The following GRID2 variants were observed in gnomAD, a reference collection of about 807,000 sequenced individuals.
GRID2 encodes the protein glutamate receptor ionotropic, delta-2.
GRID2 carries 33 observed loss-of-function variants against 114.8 expected under a neutral mutation model. The ratio of observed to expected loss-of-function variants is 0.29; its 90% CI spans 0.22 to 0.38. The LOEUF (loss-of-function observed/expected upper bound fraction) is 0.38, where lower values mean the gene tolerates loss of function less well. Ranked by LOEUF, GRID2 falls within the 10% of genes least tolerant of loss-of-function variation. The pLI, the probability that GRID2 is intolerant of heterozygous loss-of-function variation, is 1.00. For missense variants in GRID2, 1,184 were observed against 1,257.7 expected (o/e 0.94, Z 0.89); for synonymous variants, 505 against 449.9 (o/e 1.12, Z -1.55).
chr4:92,495,601 C>T (rs7684294), intron 1 of GRID2, among the ~76,000 whole-genome samples: 11,805 of 151,698 alleles, frequency 0.078, 501 homozygotes, highest in African/African-American at 0.11. Context: ...GAATGAGATC[C>T]GGGTACATAA....
At chr4:93,479,210 C>A (rs1037479727) in intron 11 of GRID2, among the ~76,000 whole-genome samples, 9 of 151,960 alleles carry the variant, frequency 5.9e-5, no homozygotes, top group African/African-American at 2.2e-4. Flanking sequence ...TTTAAAAATA[C>A]TTTATTGCTA....
At chr4:93,595,093 T>C (rs1393012284) in intron 13 of GRID2, among the ~76,000 whole-genome samples, 4 of 152,174 alleles carry the variant, frequency 2.6e-5, no homozygotes, top group African/African-American at 9.7e-5. Flanking sequence ...CTCCCCTGCT[T>C]TTTAAGACAT....
intron 2 of GRID2, among the ~76,000 whole-genome samples, chr4:93,029,888 T>C (rs1361695570): frequency 6.6e-6 from 1 of 152,186 alleles, no homozygotes; most frequent in African/African-American, 2.4e-5. Flanking sequence ...AAAATAAACA[T>C]GCTTTATTCA....
At chr4:92,506,937 C>T (rs1030606144) in intron 1 of GRID2, among the ~76,000 whole-genome samples, 2 of 151,868 alleles carry the variant, frequency 1.3e-5, no homozygotes, top group African/African-American at 4.8e-5. Context: ...CTCTATTTCT[C>T]TGTCAGCCTC....
chr4:93,343,425 C>T (rs1759864451), intron 8 of GRID2, among the ~76,000 whole-genome samples: 3 of 151,944 alleles, frequency 2.0e-5, no homozygotes, highest in Admixed American at 2.0e-4. Context: ...TGTTTTTCAA[C>T]TTGTTTTCCA....
intron 1 of GRID2, among the ~76,000 whole-genome samples, chr4:92,488,914 T>C (rs1723022331): frequency 6.6e-6 from 1 of 152,172 alleles, no homozygotes; most frequent in South Asian, 2.1e-4. Flanking sequence ...TCTGTGCTTG[T>C]CTGAAACTGC....
intron 2 of GRID2, among the ~76,000 whole-genome samples, chr4:92,996,093 C>A (rs1223591323): frequency 2.0e-5 from 3 of 151,902 alleles, no homozygotes; most frequent in Non-Finnish European, 2.9e-5. Flanking sequence ...AGTTTGAAAT[C>A]AGCCTGGCCA....
intron 1 of GRID2, among the ~76,000 whole-genome samples, chr4:92,516,346 T>C (rs1488722161): frequency 6.6e-6 from 1 of 151,918 alleles, no homozygotes; most frequent in Admixed American, 6.6e-5. Context: ...GGCAATCAAA[T>C]ACTTAAAATA....
At chr4:92,909,485 C>A (rs894184501) in intron 2 of GRID2, among the ~76,000 whole-genome samples, 13 of 151,906 alleles carry the variant, frequency 8.6e-5, no homozygotes, top group African/African-American at 3.1e-4. Flanking sequence ...AGTAGCAAAA[C>A]CTCTGATTAT....
chr4:92,327,496 ATCTT>A (rs1040128607), intron 1 of GRID2, among the ~76,000 whole-genome samples: 1 of 151,894 alleles, frequency 6.6e-6, no homozygotes, highest in African/African-American at 2.4e-5. Context: ...TCTATGTTTT[ATCTT>A]TCTTTCTAAC....
rs368823655 is a variant in GRID2 at position 93,055,831 on chromosome 4, G to A, written c.245-29164G>A. 1.1e-4 allele frequency among the ~76,000 whole-genome samples: 16 copies of A among 151,936 alleles called. 1 individual carries two copies. The highest frequency in any genetic ancestry group is 3.1e-4 in the African/African-American group (13 of 41,498). The stretch of plus-strand genomic sequence containing the variant: ...CTTACAAATACAAGAATATGTATCC[G>A]CTGAAATTTCTTGCTACTATTTAGC... On this transcript the variant is annotated intron_variant, in intron 2 of 15. Coordinates refer to ENST00000282020, the MANE Select transcript of GRID2 (RefSeq NM_001510.4).
intron 2 of GRID2, among the ~76,000 whole-genome samples, chr4:92,939,416 G>GTT (rs1162283091): frequency 2.7e-5 from 4 of 146,772 alleles, no homozygotes; most frequent in East Asian, 2.2e-4. Flanking sequence ...GGGGTTGTTT[G>GTT]TTTTTTTCTT....
intron 4 of GRID2, among the ~76,000 whole-genome samples, chr4:93,119,976 A>G (rs1733628655): frequency 6.6e-6 from 1 of 152,172 alleles, no homozygotes; most frequent in Non-Finnish European, 1.5e-5. Flanking sequence ...ACAGATCGCA[A>G]AAATGTTCTC....
At chr4:92,830,755 CTT>C (rs901963600) in intron 2 of GRID2, among the ~76,000 whole-genome samples, 1 of 152,160 alleles carries the variant, frequency 6.6e-6, no homozygotes, top group African/African-American at 2.4e-5. Context: ...TTATTACACT[CTT>C]ATTTAAACTA....
chr4:93,547,044 C>CTTTGTCT, intron 13 of GRID2, among the ~76,000 whole-genome samples: 1 of 152,290 alleles, frequency 6.6e-6, no homozygotes, highest in Middle Eastern at 3.4e-3. Context: ...AGGGCTTTGC[C>CTTTGTCT]ATAGCACACA....
intron 13 of GRID2, among the ~76,000 whole-genome samples, chr4:93,531,041 T>A (rs1731388328): frequency 6.6e-6 from 1 of 152,190 alleles, no homozygotes; most frequent in Non-Finnish European, 1.5e-5. Context: ...GGTATGTTTA[T>A]GTAACTGAGA....
intron 2 of GRID2, among the ~76,000 whole-genome samples, chr4:92,998,860 G>A (rs556514644): frequency 1.3e-4 from 19 of 151,806 alleles, no homozygotes; most frequent in Non-Finnish European, 1.2e-4. Flanking sequence ...CACATTAATT[G>A]CAATCATTTC....
At chr4:92,673,759 T>G (rs1330592657) in intron 2 of GRID2, among the ~76,000 whole-genome samples, 1 of 151,964 alleles carries the variant, frequency 6.6e-6, no homozygotes, top group Non-Finnish European at 1.5e-5. Flanking sequence ...TGTGAAAGTT[T>G]GGGAATTGAA....
At chr4:93,134,720 G>A (rs1735087899) in intron 4 of GRID2, among the ~76,000 whole-genome samples, 1 of 152,002 alleles carries the variant, frequency 6.6e-6, no homozygotes, top group Non-Finnish European at 1.5e-5. Context: ...ACTTGCAGTA[G>A]CTTATAATGA....
Sources: gnomAD v4.1 joint callset for allele counts (sites outside exome capture counted in the v4.1 genomes callset) on GRCh38, gnomAD v4.1.1 for gene constraint, MANE v1.5 for transcripts, NCBI Gene and HGNC (gene_info 2026-07-23, HGNC 2026-07-21) for gene names.